DUSP26: variants seen among roughly 807,000 people sequenced by gnomAD.
The protein encoded by DUSP26 is dual specificity protein phosphatase 26.
Under a neutral mutation model 20.0 loss-of-function variants are expected in DUSP26, and 12 were observed. The ratio of observed to expected loss-of-function variants is 0.60; its 90% CI spans 0.38 to 0.97. The LOEUF (loss-of-function observed/expected upper bound fraction) is 0.97. DUSP26 is among the 50% of genes least tolerant of loss of function. DUSP26 has a pLI of 0.00. For missense variants in DUSP26, 230 were observed against 294.0 expected (o/e 0.78, Z 1.59); for synonymous variants, 120 against 118.8 (o/e 1.01, Z -0.06).
intron 3 of DUSP26, 53 bp downstream of exon 3, chr8:33,593,480 T>C: frequency 6.3e-7 from 1 of 1,585,708 alleles, no homozygotes; most frequent in Non-Finnish European, 8.6e-7. Flanking sequence ...CCCTTGGACT[T>C]CCCCAAATTC....
chr8:33,597,155 C>T (rs1811166384), intron 2 of DUSP26, 140 bp downstream of exon 2: 3 of 818,328 alleles, frequency 3.7e-6, no homozygotes, highest in Non-Finnish European at 3.7e-6. Flanking sequence ...AGCCTCTACT[C>T]TTGGCCCATG....
rs761258145 is a variant in DUSP26, at chr8:33,592,033, G to A, written c.616C>T (p.Arg206Trp). ...RQLLALDRRL[R>W]QGLEA ...TCCCCTCATGCTTCCAGACCCTGCCGCAGCCTGCGGTCCAGGGCCAGGAGC... is the reference window on the plus strand; with the variant it reads ...TCCCCTCATGCTTCCAGACCCTGCCACAGCCTGCGGTCCAGGGCCAGGAGC... The change falls in exon 4 of 4, where the codon CGG becomes TGG. Residue 206 changes from arginine to tryptophan, a missense_variant. Transcript: ENST00000256261. 7 of 1,613,616 alleles carry A rather than the reference G, an allele frequency of 4.3e-6. No individual in the cohort carries two copies. Among genetic ancestry groups the A allele is most frequent in the Admixed American group, 1.7e-5 (1 of 59,966 alleles).
chr8:33,598,273 G>T (rs1052470860), intron 1 of DUSP26, among the ~76,000 whole-genome samples: 2 of 152,114 alleles, frequency 1.3e-5, no homozygotes, highest in African/African-American at 4.8e-5. Context: ...TATGGAAGAA[G>T]GCACCAATCT....
chr8:33,591,633 T>TG lies in DUSP26; in HGVS notation c.*379dup, dbSNP rs1811020396. 1 of 255,802 alleles carries TG rather than the reference T, an allele frequency of 3.9e-6. No homozygotes were observed. Among genetic ancestry groups the TG allele is most frequent in the Non-Finnish European group, 7.6e-6 (1 of 131,180 alleles). 15.8% of individuals were successfully genotyped at this position (255,802 alleles called of 1,614,324 possible). On this transcript the variant is annotated 3_prime_UTR_variant, in exon 4 of 4. Transcript: ENST00000256261. ...CCGTATCCCTGACTTTCTGCACAAG[T>TG]GCAGGGCAGAGATGGCCCTTTTGTT...
At chr8:33,594,536 G>A (rs1811097807) in intron 2 of DUSP26, among the ~76,000 whole-genome samples, 1 of 151,310 alleles carries the variant, frequency 6.6e-6, no homozygotes, top group Admixed American at 6.6e-5. Context: ...AGCTTGCAGT[G>A]AGCCGAGATC....
In DUSP26 at chr8:33,595,911, T is replaced by C. The variant is rs975582251; in HGVS notation, c.221+1384A>G. ...GGCACAACTTCTCTGAGCTTCAGTCTCCTCATCTGTAACCCAGGGAGAGTG... is the reference window on the plus strand; with the variant it reads ...GGCACAACTTCTCTGAGCTTCAGTCCCCTCATCTGTAACCCAGGGAGAGTG... On this transcript the variant is annotated intron_variant, in intron 2 of 3. Transcript: ENST00000256261. Among the ~76,000 whole-genome samples the C allele has an allele frequency of 2.6e-5, 4 of 152,152 alleles. 1 individual carries two copies. Among genetic ancestry groups the C allele is most frequent in the Admixed American group, 2.6e-4 (4 of 15,256 alleles).
At position 33,596,157 on chromosome 8, in the gene DUSP26, G is replaced by A. The variant is rs370057375; in HGVS notation, c.221+1138C>T. On this transcript the variant is annotated intron_variant, in intron 2 of 3. Transcript: ENST00000256261. The stretch of plus-strand genomic sequence containing the variant: ...AAATCAGCTGTGTGTGGTGATGGGC[G>A]TCTGTAAGCCCAGCTACTTGGGAGG... Among the ~76,000 whole-genome samples the A allele has an allele frequency of 1.4e-3, 218 of 152,320 alleles. 4 individuals are homozygous for A. Among genetic ancestry groups the A allele is most frequent in the South Asian group, 6.4e-3 (31 of 4,828 alleles).
chr8:33,599,077 G>T (rs764785684), intron 1 of DUSP26, among the ~76,000 whole-genome samples: 1 of 151,670 alleles, frequency 6.6e-6, no homozygotes, highest in Non-Finnish European at 1.5e-5. Flanking sequence ...GTTTTCAATG[G>T]CTGGGTCCGG....
chr8:33,597,696 A>G, intron 1 of DUSP26, 105 bp from the exon 2 acceptor site: 3 of 582,136 alleles, frequency 5.2e-6, no homozygotes, highest in Non-Finnish European at 8.9e-6. Flanking sequence ...AGAGAAGGTA[A>G]GCCTGGCTCT....
chr8:33,593,661 G>GATGCCCA lies in DUSP26; in HGVS notation c.307_308insTGGGCAT (p.Pro103LeufsTer7). The stretch of plus-strand genomic sequence containing the variant: ...GATGCCCAGCCCCTCATAGGCCTCG[G>GATGCCCA]GCGTGCCTCGCCACCGGCTGTGTGA... On this transcript the variant is annotated frameshift_variant, in exon 3 of 4. Coordinates refer to ENST00000256261, the MANE Select transcript of DUSP26 (RefSeq NM_024025.3). LOFTEE classifies it high-confidence loss of function. 6.2e-7 allele frequency: 1 copy of GATGCCCA among 1,614,174 alleles called. No individual in the cohort carries two copies. The highest frequency in any genetic ancestry group is 8.5e-7 in the Non-Finnish European group (1 of 1,180,042).
intron 3 of DUSP26, among the ~76,000 whole-genome samples, 167 bp from the exon 4 acceptor site, chr8:33,592,379 T>A (rs547849834): frequency 3.3e-5 from 5 of 151,692 alleles, no homozygotes; most frequent in African/African-American, 4.8e-5. Context: ...GAGACCAGCC[T>A]GGCCAACATG....
chr8:33,594,720 ATT>A (rs111883315), intron 2 of DUSP26, among the ~76,000 whole-genome samples: 1,714 of 142,464 alleles, frequency 0.012, 33 homozygotes, highest in African/African-American at 0.042. Flanking sequence ...AGCAGATTTC[ATT>A]TTTTTTTTTT....
In DUSP26 at chr8:33,594,524, G is replaced by A. The variant is rs528825956; in HGVS notation, c.222-777C>T. Among the ~76,000 whole-genome samples, 4 of 151,240 alleles carry A rather than the reference G, an allele frequency of 2.6e-5. No homozygotes were observed. In the South Asian group the frequency reaches 8.4e-4, roughly 32 times the overall value. On this transcript the variant is annotated intron_variant, in intron 2 of 3. Transcript: ENST00000256261. ...GGAGAATGGCCTGAACCTGGGAGGC[G>A]GAGCTTGCAGTGAGCCGAGATCGCA...
intron 3 of DUSP26, among the ~76,000 whole-genome samples, chr8:33,592,854 CT>C (rs1195373809): frequency 6.6e-6 from 1 of 152,158 alleles, no homozygotes; most frequent in African/African-American, 2.4e-5. Context: ...ACCATTCTAG[CT>C]TGTTATTCTC....
rs115775970 is a variant in DUSP26, at chr8:33,592,184, G to T, written c.465C>A (p.Gly155=). Residue 155 remains glycine, a synonymous_variant, in exon 4 of 4, where the codon GGC becomes GGA. Transcript: ENST00000256261. ...GTACCAGGGTGGCGGATCGGCTCAC[G>T]CCCACAGCACAATGCACCAGGATCT... ...GGKILVHCAV[G]VSRSATLVLA... is the part of the protein sequence containing the mutation. 10 of 1,612,770 alleles carry T rather than the reference G, an allele frequency of 6.2e-6. No individual in the cohort carries two copies. The South Asian group carries it at 1.1e-4, about 18-fold the overall frequency.
chr8:33,596,218 AG>A (rs1374662254), intron 2 of DUSP26, among the ~76,000 whole-genome samples: 1 of 152,032 alleles, frequency 6.6e-6, no homozygotes, highest in African/African-American at 2.4e-5. Context: ...CGGGAGGCGG[AG>A]TTTGCTGTGA....
chr8:33,593,794 G>C, intron 2 of DUSP26, 47 bp from the exon 3 acceptor site: 3 of 1,597,876 alleles, frequency 1.9e-6, no homozygotes, highest in Non-Finnish European at 2.6e-6. Context: ...CCAGGTTGTT[G>C]GGGAAGACTC....
chr8:33,597,755 T>A, intron 1 of DUSP26, 164 bp from the exon 2 acceptor site: 1 of 466,646 alleles, frequency 2.1e-6, no homozygotes, highest in Non-Finnish European at 3.8e-6. Flanking sequence ...AGCAGCTCCT[T>A]TTGCTCAGCT....
At chr8:33,593,393 T>G in intron 3 of DUSP26, 140 bp downstream of exon 3, 11 of 968,756 alleles carry the variant, frequency 1.1e-5, no homozygotes, top group Admixed American at 2.9e-5. Context: ...AAAAAATGGT[T>G]GAGATAATAT....
Sources: gnomAD v4.1 joint callset for allele counts (sites outside exome capture counted in the v4.1 genomes callset) on GRCh38, gnomAD v4.1.1 for gene constraint, MANE v1.5 for transcripts, NCBI Gene and HGNC (gene_info 2026-07-23, HGNC 2026-07-21) for gene names.